Variants in CHD7 observed in about 807,000 individuals in gnomAD.
CHD7 encodes the protein ATP-dependent chromatin remodeler CHD7.
In CHD7, 24 loss-of-function variants were observed where a neutral mutation model predicts 307.3. The ratio of observed to expected loss-of-function variants is 0.08; its 90% confidence interval spans 0.06 to 0.11. CHD7 has a LOEUF of 0.11. Ranked by LOEUF, CHD7 falls within the 10% of genes least tolerant of loss-of-function variation. CHD7 has a pLI of 1.00. For synonymous variants in CHD7, 1,363 were observed against 1,349.9 expected (o/e 1.01, Z -0.21); for missense variants, 3,106 against 3,727.1 (o/e 0.83, Z 4.34).
chr8:60,686,980 A>G (rs1047671970), intron 1 of CHD7, among the ~76,000 whole-genome samples: 8 of 152,204 alleles, frequency 5.3e-5, no homozygotes, highest in African/African-American at 1.9e-4. Context: ...GGGGTCTCAC[A>G]ATACTGTCCA....
intron 2 of CHD7, among the ~76,000 whole-genome samples, chr8:60,745,021 G>A (rs1809255395): frequency 6.7e-6 from 1 of 150,222 alleles, no homozygotes; most frequent in African/African-American, 2.4e-5. Context: ...CCGGTGGGCA[G>A]GGCAGCTTCC....
At chr8:60,690,975 A>T (rs1160044209) in intron 1 of CHD7, among the ~76,000 whole-genome samples, 2 of 152,046 alleles carry the variant, frequency 1.3e-5, no homozygotes, top group Non-Finnish European at 2.9e-5. Flanking sequence ...CACAGGCTGG[A>T]GTGCAGTGGC....
intron 1 of CHD7, among the ~76,000 whole-genome samples, chr8:60,695,342 T>C (rs146513830): frequency 0.01 from 1,562 of 152,348 alleles, 8 homozygotes; most frequent in South Asian, 0.026. Context: ...TTGGAACATA[T>C]AATTTGACAT....
intron 1 of CHD7, among the ~76,000 whole-genome samples, chr8:60,690,163 ACAGAG>A (rs1806123783): frequency 1.3e-5 from 2 of 150,064 alleles, no homozygotes; most frequent in African/African-American, 5.1e-5. Flanking sequence ...CTTACATGTT[ACAGAG>A]TGGGTGGATG....
chr8:60,757,700 A>G (rs778282027), intron 2 of CHD7, among the ~76,000 whole-genome samples: 5 of 152,242 alleles, frequency 3.3e-5, no homozygotes, highest in Admixed American at 2.6e-4. Flanking sequence ...TTTAGAAAAT[A>G]GATACCAAAG....
rs1809463535 is a variant in CHD7, at chr8:60,748,852, A to G, written c.1665+5755A>G. Among the ~76,000 whole-genome samples, 3 of 152,150 alleles carry G rather than the reference A, an allele frequency of 2.0e-5. No homozygotes were observed. The South Asian group carries it at 6.2e-4, about 32-fold the overall frequency. ...ATTTGGTCCTGAAATAACAGTCATC[A>G]TGAAACGGAAGTAGAAAAAAAATTT... On this transcript the variant is annotated intron_variant, in intron 2 of 37. Coordinates refer to ENST00000423902, the MANE Select transcript of CHD7 (RefSeq NM_017780.4).
intron 1 of CHD7, among the ~76,000 whole-genome samples, chr8:60,707,290 A>G (rs778949769): frequency 1.4e-4 from 22 of 152,216 alleles, no homozygotes; most frequent in African/African-American, 4.3e-4. Context: ...AGTGATTTCA[A>G]TTACAGTAGT....
At chr8:60,852,342 G>C in intron 29 of CHD7, 95 bp downstream of exon 29, 1 of 1,337,856 alleles carries the variant, frequency 7.5e-7, no homozygotes, top group Admixed American at 2.2e-5. Flanking sequence ...ATCAAAGGTA[G>C]TGACCACCAA....
intron 1 of CHD7, among the ~76,000 whole-genome samples, chr8:60,714,121 C>G (rs952412600): frequency 2.0e-5 from 3 of 151,774 alleles, no homozygotes; most frequent in Admixed American, 2.0e-4. Flanking sequence ...GGCCGCGCTT[C>G]CGGGATGGGT....
Position 60,822,700 on chromosome 8 carries a change from G to A in CHD7, c.3155G>A (p.Ser1052Asn). The A allele has an allele frequency of 6.2e-7, 1 of 1,613,652 alleles. No individual in the cohort carries two copies. Among genetic ancestry groups the A allele is most frequent in the Non-Finnish European group, 8.5e-7 (1 of 1,179,634 alleles). The change falls in exon 12 of 38, where the codon AGT becomes AAT. Residue 1052 changes from serine to asparagine, a missense_variant. By Grantham distance (46) the Ser-to-Asn change is conservative. Coordinates refer to ENST00000423902, the MANE Select transcript of CHD7 (RefSeq NM_017780.4). ...NVVVYHGSQA[S>N]RRTIQLYEMY... ...GTTGTGTATCATGGGAGTCAAGCTA[G>A]TCGTCGGACCATTCAGTTGTATGAA...
chr8:60,725,311 G>A lies in CHD7; in HGVS notation c.-174-15948G>A, dbSNP rs541689022. On this transcript the variant is annotated intron_variant, in intron 1 of 37. Coordinates refer to ENST00000423902, the MANE Select transcript of CHD7 (RefSeq NM_017780.4). ...TGTGGAAGTCAAGATCAAGGATGAA[G>A]ATGAAATTTCTTGTGGTTTCTTCAT... 1.3e-4 allele frequency among the ~76,000 whole-genome samples: 20 copies of A among 152,352 alleles called. 1 individual carries two copies. The highest frequency in any genetic ancestry group is 6.8e-3 in the Middle Eastern group (2 of 294).
At chr8:60,759,787 T>C (rs1810084617) in intron 2 of CHD7, among the ~76,000 whole-genome samples, 1 of 151,858 alleles carries the variant, frequency 6.6e-6, no homozygotes. Context: ...TAAGCTGGAG[T>C]GTGAAAAATA....
At position 60,865,760 on chromosome 8, in the gene CHD7, A is replaced by G. The variant is rs201793562; in HGVS notation, c.8821A>G (p.Lys2941Glu). 58 of 1,613,176 alleles carry G rather than the reference A, an allele frequency of 3.6e-5. No homozygotes were observed. Among genetic ancestry groups the G allele is most frequent in the Admixed American group, 3.3e-4 (20 of 59,910 alleles). The change falls in exon 38 of 38, where the codon AAG becomes GAG. Residue 2941 changes from lysine (K) to glutamate (E), a missense_variant. Physicochemically the swap from Lys to Glu is moderately conservative, Grantham distance 56 (BLOSUM62 1). Transcript: ENST00000423902. This position sits in a 1 kb window ranked among gnomAD's most constrained non-coding sequence, Gnocchi z 4.3. ...CTCCAGCGAAGAAAAGGCTGCTGAC[A>G]AGGCTGAGGGAGGACCCTTTAAAGA... ...VGSSEEKAAD[K>E]AEGGPFKDGE... is the part of the protein sequence containing the mutation.
Position 60,741,037 on chromosome 8 carries a change from T to C in CHD7, c.-174-222T>C, listed in dbSNP as rs16926450. On this transcript the variant is annotated intron_variant, in intron 1 of 37. Coordinates refer to ENST00000423902, the MANE Select transcript of CHD7 (RefSeq NM_017780.4). Reference sequence around the variant, plus strand: ...TAATTTAAGGTTAAGGTTAGTGTTTTGCTTGCTTTCTAAGTAACCGATCAT... The same window carrying C: ...TAATTTAAGGTTAAGGTTAGTGTTTCGCTTGCTTTCTAAGTAACCGATCAT... Among the ~76,000 whole-genome samples the C allele has an allele frequency of 0.023, 3,565 of 152,360 alleles. 141 individuals carry two copies. Among genetic ancestry groups the C allele is most frequent in the African/African-American group, 0.081 (3,377 of 41,578 alleles).
chr8:60,827,406 A>G (rs1021803476), intron 13 of CHD7, among the ~76,000 whole-genome samples: 7 of 152,224 alleles, frequency 4.6e-5, no homozygotes, highest in African/African-American at 1.7e-4. Context: ...GAGACACGAT[A>G]TCAATACAGC....
Position 60,741,385 on chromosome 8 carries a change from A to T in CHD7, c.-48A>T. 7.1e-7 allele frequency: 1 copy of T among 1,399,744 alleles called. No individual in the cohort carries two copies. The highest frequency in any genetic ancestry group is 9.8e-7 in the Non-Finnish European group (1 of 1,019,464). 86.7% of individuals were successfully genotyped at this position (1,399,744 alleles called of 1,614,324 possible). ...CAAACACCTCAGTGAAGTGAAGCAC[A>T]GGCAAGCTCCTGAGCTGTGGTTTGG... On this transcript the variant is annotated 5_prime_UTR_variant, in exon 2 of 38. Coordinates refer to ENST00000423902, the MANE Select transcript of CHD7 (RefSeq NM_017780.4).
intron 19 of CHD7, among the ~76,000 whole-genome samples, chr8:60,841,438 C>T (rs1295922843): frequency 6.6e-6 from 1 of 152,220 alleles, no homozygotes; most frequent in Non-Finnish European, 1.5e-5. Flanking sequence ...TCATTTATCA[C>T]TCTGCAGTGT....
intron 2 of CHD7, among the ~76,000 whole-genome samples, chr8:60,753,919 C>A (rs925092734): frequency 6.6e-6 from 1 of 152,098 alleles, no homozygotes; most frequent in Non-Finnish European, 1.5e-5. Flanking sequence ...GCCACCGCGC[C>A]CTGCTGCAAA....
In CHD7 at chr8:60,731,575, T is replaced by C. The variant is rs1372751921; in HGVS notation, c.-174-9684T>C. Among the ~76,000 whole-genome samples the C allele has an allele frequency of 3.9e-5, 6 of 152,344 alleles. No individual in the cohort carries two copies. The South Asian group carries it at 1.2e-3, about 32-fold the overall frequency. On this transcript the variant is annotated intron_variant, in intron 1 of 37. Transcript: ENST00000423902. Reference sequence around the variant, plus strand: ...GAAAAAATGTTTCCCAAATTTGTTATAAGTTGAAATGACTGTGAAATATTG... The same window carrying C: ...GAAAAAATGTTTCCCAAATTTGTTACAAGTTGAAATGACTGTGAAATATTG...
Sources: gnomAD v4.1 joint callset for allele counts (sites outside exome capture counted in the v4.1 genomes callset) on GRCh38, gnomAD v4.1.1 for gene constraint, Gnocchi (gnomAD v3.1) non-coding constraint, MANE v1.5 for transcripts, NCBI Gene and HGNC (gene_info 2026-07-23, HGNC 2026-07-21) for gene names.